The following NRG3 variants were observed in gnomAD, a reference collection of about 807,000 sequenced individuals.
NRG3 encodes pro-neuregulin-3, membrane-bound isoform.
Under a neutral mutation model 66.9 loss-of-function variants are expected in NRG3, and 31 were observed. The ratio of observed to expected loss-of-function variants is 0.46; its 90% CI spans 0.35 to 0.63. The LOEUF (loss-of-function observed/expected upper bound fraction) is 0.63. Among genes scored for constraint, NRG3 ranks in the 20% least tolerant of loss-of-function variants. The pLI is 0.00. For missense variants in NRG3, 910 were observed against 878.9 expected, an observed-to-expected ratio of 1.04 and a Z score of -0.45; for synonymous variants, 393 against 359.4, an observed-to-expected ratio of 1.09 and a Z score of -1.06.
At chr10:82,527,300 T>A (rs1846804637) in intron 2 of NRG3, among the ~76,000 whole-genome samples, 1 of 135,096 alleles carries the variant, frequency 7.4e-6, no homozygotes. Flanking sequence ...TGTAATTCCA[T>A]GTATGTAAAA....
intron 1 of NRG3, among the ~76,000 whole-genome samples, chr10:82,355,880 C>A (rs1486705085): frequency 1.3e-5 from 2 of 152,012 alleles, no homozygotes; most frequent in Non-Finnish European, 2.9e-5. Context: ...AATGATCATA[C>A]CCAATATTTT....
chr10:82,795,997 C>G (rs1450780129), intron 3 of NRG3, among the ~76,000 whole-genome samples: 1 of 151,894 alleles, frequency 6.6e-6, no homozygotes, highest in Non-Finnish European at 1.5e-5. Flanking sequence ...GGTTTCATCC[C>G]TCTCCTTTAC....
intron 1 of NRG3, among the ~76,000 whole-genome samples, chr10:82,256,169 G>A (rs1218826540): frequency 6.6e-6 from 1 of 152,108 alleles, no homozygotes; most frequent in African/African-American, 2.4e-5. Flanking sequence ...TGATCCACCT[G>A]CCTCGGCCTC....
At chr10:82,792,478 T>C (rs2060625684) in intron 3 of NRG3, among the ~76,000 whole-genome samples, 1 of 152,142 alleles carries the variant, frequency 6.6e-6, no homozygotes, top group African/African-American at 2.4e-5. Flanking sequence ...TTGAGTCTTA[T>C]TTTGTTTCCT....
chr10:82,291,283 C>T (rs1285605684), intron 1 of NRG3, among the ~76,000 whole-genome samples: 2 of 152,002 alleles, frequency 1.3e-5, no homozygotes, highest in Non-Finnish European at 2.9e-5. Flanking sequence ...TAGATGTAAA[C>T]TTTAAAAAAC....
intron 1 of NRG3, among the ~76,000 whole-genome samples, chr10:82,067,300 AATT>A (rs1400565096): frequency 6.6e-6 from 1 of 152,156 alleles, no homozygotes; most frequent in Non-Finnish European, 1.5e-5. Flanking sequence ...CATTTATGTT[AATT>A]ATTGTAAAGA....
intron 2 of NRG3, among the ~76,000 whole-genome samples, chr10:82,711,984 A>G (rs1373310124): frequency 6.6e-6 from 1 of 152,208 alleles, no homozygotes; most frequent in Non-Finnish European, 1.5e-5. Context: ...TTTTCTTTCT[A>G]TTCAAGAAAA....
chr10:82,557,038 C>T (rs1218385242), intron 2 of NRG3, among the ~76,000 whole-genome samples: 2 of 152,140 alleles, frequency 1.3e-5, no homozygotes, highest in Admixed American at 6.5e-5. Context: ...TCCAGTCTGT[C>T]ATTGATGGGC....
intron 1 of NRG3, among the ~76,000 whole-genome samples, chr10:81,917,806 G>A (rs993189768): frequency 1.6e-4 from 25 of 152,280 alleles, no homozygotes; most frequent in Non-Finnish European, 1.9e-4. Context: ...ACTTGACAGG[G>A]ACAAAACTGA....
chr10:82,530,944 T>C (rs952391685), intron 2 of NRG3, among the ~76,000 whole-genome samples: 1 of 151,852 alleles, frequency 6.6e-6, no homozygotes, highest in Non-Finnish European at 1.5e-5. Flanking sequence ...ATTTATTTGT[T>C]GAATTGCATC....
intron 2 of NRG3, among the ~76,000 whole-genome samples, chr10:82,724,728 T>A (rs959203908): frequency 3.3e-5 from 5 of 152,300 alleles, no homozygotes; most frequent in Non-Finnish European, 5.9e-5. Context: ...CTTTGCCCCC[T>A]TTTTTAGAGA....
At chr10:81,902,602 C>T (rs1228323590) in intron 1 of NRG3, among the ~76,000 whole-genome samples, 1 of 152,138 alleles carries the variant, frequency 6.6e-6, no homozygotes, top group Non-Finnish European at 1.5e-5. Context: ...TCTTGGACTT[C>T]CCTGCCTATA....
chr10:82,834,077 A>G (rs1453655316), intron 3 of NRG3, among the ~76,000 whole-genome samples: 2 of 152,164 alleles, frequency 1.3e-5, no homozygotes, highest in Non-Finnish European at 2.9e-5. Context: ...CATCCTGGGT[A>G]TATCAGGCCC....
intron 2 of NRG3, among the ~76,000 whole-genome samples, chr10:82,614,028 TAGC>T (rs1251219919): frequency 6.6e-6 from 1 of 151,958 alleles, no homozygotes; most frequent in East Asian, 1.9e-4. Flanking sequence ...GCCTCCCAAG[TAGC>T]TGGGCCTACA....
intron 1 of NRG3, among the ~76,000 whole-genome samples, chr10:82,297,295 TACTC>T (rs372309182): frequency 9.2e-5 from 14 of 152,144 alleles, no homozygotes; most frequent in South Asian, 4.1e-4. Context: ...TTTGGGTAGA[TACTC>T]AGTAGTAGGA....
chr10:82,192,705 T>G (rs1242502112), intron 1 of NRG3, among the ~76,000 whole-genome samples: 1 of 152,110 alleles, frequency 6.6e-6, no homozygotes, highest in Non-Finnish European at 1.5e-5. Context: ...GCACTGATTA[T>G]TTACCTGCAG....
At chr10:82,761,808 TA>T (rs2059313406) in intron 3 of NRG3, among the ~76,000 whole-genome samples, 1 of 151,780 alleles carries the variant, frequency 6.6e-6, no homozygotes. Context: ...AAAATTAAGT[TA>T]AAATTATAAA....
intron 2 of NRG3, among the ~76,000 whole-genome samples, chr10:82,671,585 T>C (rs1327916373): frequency 6.6e-6 from 1 of 152,224 alleles, no homozygotes; most frequent in Non-Finnish European, 1.5e-5. Flanking sequence ...CTCTGGTTTC[T>C]GAGTTCCAAT....
chr10:82,457,547 A>T (rs2091323317), intron 2 of NRG3, among the ~76,000 whole-genome samples: 1 of 151,828 alleles, frequency 6.6e-6, no homozygotes, highest in Admixed American at 6.6e-5. Context: ...GAGATTGGGG[A>T]CCCCTGTGTT....
Sources: gnomAD v4.1 joint callset for allele counts (sites outside exome capture counted in the v4.1 genomes callset) on GRCh38, gnomAD v4.1.1 for gene constraint, MANE v1.5 for transcripts, NCBI Gene and HGNC (gene_info 2026-07-23, HGNC 2026-07-21) for gene names.